MACROD2: variants seen among roughly 807,000 people sequenced by gnomAD.
MACROD2 encodes ADP-ribose glycohydrolase MACROD2.
Under a neutral mutation model 70.4 loss-of-function variants are expected in MACROD2, and 36 were observed. The ratio of observed to expected loss-of-function variants is 0.51; its 90% confidence interval spans 0.39 to 0.68. The LOEUF is 0.68. Ranked by LOEUF, MACROD2 falls within the 30% of genes least tolerant of loss-of-function variation. The pLI is 0.00. For synonymous variants in MACROD2, 172 were observed against 178.8 expected, an observed-to-expected ratio of 0.96 and a Z score of 0.30; for missense variants, 496 against 538.4, an observed-to-expected ratio of 0.92 and a Z score of 0.78.
chr20:15,321,313 T>C (rs2077871804), intron 6 of MACROD2, among the ~76,000 whole-genome samples: 1 of 144,260 alleles, frequency 6.9e-6, no homozygotes, highest in Admixed American at 6.9e-5. Context: ...ACCTTTAGCT[T>C]CTATCTGACT....
intron 5 of MACROD2, among the ~76,000 whole-genome samples, chr20:14,960,002 T>C (rs2074569615): frequency 6.6e-6 from 1 of 152,192 alleles, no homozygotes; most frequent in African/African-American, 2.4e-5. Context: ...ATGGGGAATC[T>C]TCCTGGTCCC....
At chr20:14,629,080 C>T (rs946658603) in intron 4 of MACROD2, among the ~76,000 whole-genome samples, 12 of 152,086 alleles carry the variant, frequency 7.9e-5, no homozygotes, top group African/African-American at 2.7e-4. Flanking sequence ...GGAAAATAGG[C>T]GTACCACTTG....
In MACROD2 at chr20:15,191,931, T is replaced by TAGAGAGAGAGAG. The variant is rs10638417; in HGVS notation, c.419-38006_419-37995dup. Among the ~76,000 whole-genome samples the TAGAGAGAGAGAG allele has an allele frequency of 3.9e-4, 56 of 142,374 alleles. 1 individual carries two copies. Among genetic ancestry groups the TAGAGAGAGAGAG allele is most frequent in the African/African-American group, 1.2e-3 (46 of 38,242 alleles). 93.4% of individuals were successfully genotyped at this position (142,374 alleles called of 152,430 possible). ...ACACATATGTGTATATATATATATATAGAGAGAGAGAGAGTTAATACATAT... is the reference window on the plus strand; with the variant it reads ...ACACATATGTGTATATATATATATATAGAGAGAGAGAGAGAGAGAGAGAGAGTTAATACATAT... On this transcript the variant is annotated intron_variant, in intron 5 of 17. Transcript: ENST00000684519.
At chr20:14,189,365 C>T (rs1418098693) in intron 3 of MACROD2, among the ~76,000 whole-genome samples, 1 of 152,062 alleles carries the variant, frequency 6.6e-6, no homozygotes, top group Non-Finnish European at 1.5e-5. Context: ...ATTGCTTTTT[C>T]AAAAGACTTT....
At chr20:14,062,019 G>C (rs1366372212) in intron 2 of MACROD2, among the ~76,000 whole-genome samples, 1 of 152,084 alleles carries the variant, frequency 6.6e-6, no homozygotes, top group African/African-American at 2.4e-5. Context: ...CTATTTTAGA[G>C]ATTAAAGAAT....
intron 10 of MACROD2, among the ~76,000 whole-genome samples, chr20:15,903,927 G>A (rs2065103621): frequency 6.6e-6 from 1 of 152,208 alleles, no homozygotes; most frequent in Non-Finnish European, 1.5e-5. Context: ...AAAGCCAACA[G>A]AATTCACAGA....
intron 8 of MACROD2, among the ~76,000 whole-genome samples, chr20:15,590,849 G>A (rs1187335652): frequency 1.3e-5 from 2 of 149,922 alleles, no homozygotes; most frequent in African/African-American, 2.5e-5. Flanking sequence ...CTCCATCCTG[G>A]ATGACAAAGA....
At chr20:14,840,071 C>G (rs1227745634) in intron 5 of MACROD2, among the ~76,000 whole-genome samples, 1 of 143,522 alleles carries the variant, frequency 7.0e-6, no homozygotes, top group African/African-American at 2.6e-5. Context: ...GAGTTTCACT[C>G]TTGTTGCCCA....
At chr20:14,212,848 G>A (rs1314035692) in intron 3 of MACROD2, among the ~76,000 whole-genome samples, 1 of 151,670 alleles carries the variant, frequency 6.6e-6, no homozygotes, top group African/African-American at 2.4e-5. Flanking sequence ...ACTCAATAGA[G>A]GAAGGTTTGT....
At chr20:14,297,890 G>T (rs1342263748) in intron 3 of MACROD2, among the ~76,000 whole-genome samples, 1 of 151,798 alleles carries the variant, frequency 6.6e-6, no homozygotes, top group East Asian at 1.9e-4. Flanking sequence ...CAAAGGACAG[G>T]CTGACTTTCT....
At chr20:15,295,140 G>A (rs974643241) in intron 6 of MACROD2, among the ~76,000 whole-genome samples, 2 of 152,148 alleles carry the variant, frequency 1.3e-5, no homozygotes, top group South Asian at 2.1e-4. Flanking sequence ...AGAAAGGGCA[G>A]TTCCCCTGCA....
chr20:14,398,020 T>A (rs947624531), intron 3 of MACROD2, among the ~76,000 whole-genome samples: 1 of 152,300 alleles, frequency 6.6e-6, no homozygotes, highest in African/African-American at 2.4e-5. Context: ...TCACTTAACA[T>A]AATGGCCTTC....
chr20:14,341,409 G>T (rs958944580), intron 3 of MACROD2, among the ~76,000 whole-genome samples: 7 of 152,096 alleles, frequency 4.6e-5, no homozygotes, highest in African/African-American at 1.7e-4. Context: ...AGGCCGAGGC[G>T]GGAGGATCAC....
intron 3 of MACROD2, among the ~76,000 whole-genome samples, chr20:14,270,580 T>C (rs1242619414): frequency 8.4e-6 from 1 of 119,478 alleles, no homozygotes; most frequent in Non-Finnish European, 1.8e-5. Context: ...AGAGTGAGAC[T>C]CCATCTCAAA....
chr20:14,119,065 C>G (rs965760212), intron 3 of MACROD2, among the ~76,000 whole-genome samples: 3 of 151,128 alleles, frequency 2.0e-5, no homozygotes, highest in African/African-American at 4.9e-5. Flanking sequence ...CCAGGCTGGT[C>G]TCGAACTCCT....
intron 5 of MACROD2, among the ~76,000 whole-genome samples, chr20:14,855,928 A>C (rs2073251494): frequency 6.6e-6 from 1 of 152,100 alleles, no homozygotes. Flanking sequence ...TTGTAAAGAG[A>C]ACCCTTAACA....
At chr20:15,425,708 T>C (rs1568798665) in intron 6 of MACROD2, among the ~76,000 whole-genome samples, 1 of 152,206 alleles carries the variant, frequency 6.6e-6, no homozygotes, top group East Asian at 1.9e-4. Context: ...GCTGCTTATT[T>C]AGGTCAGTCA....
chr20:14,685,685 A>G (rs2070993750), intron 5 of MACROD2, among the ~76,000 whole-genome samples: 1 of 152,164 alleles, frequency 6.6e-6, no homozygotes, highest in African/African-American at 2.4e-5. Flanking sequence ...GGTTGGAGGT[A>G]GAGGGTTTCA....
At chr20:14,908,257 C>CT (rs1414375677) in intron 5 of MACROD2, among the ~76,000 whole-genome samples, 2 of 152,156 alleles carry the variant, frequency 1.3e-5, no homozygotes, top group African/African-American at 4.8e-5. Context: ...AGGAGAATCA[C>CT]TTGATCCCAG....
Sources: allele counts gnomAD v4.1 joint callset (sites outside exome capture counted in the v4.1 genomes callset), GRCh38; gene constraint gnomAD v4.1.1; transcripts MANE v1.5; gene names NCBI Gene and HGNC (gene_info 2026-07-23, HGNC 2026-07-21).